Variants in FZD6 observed in about 807,000 individuals in gnomAD.
FZD6 encodes frizzled class receptor 6, also known as frizzled-6.
Under a neutral mutation model 61.4 loss-of-function variants are expected in FZD6, and 49 were observed. The ratio of observed to expected loss-of-function variants is 0.80; its 90% confidence interval spans 0.63 to 1.01. The LOEUF (loss-of-function observed/expected upper bound fraction) is 1.01, where lower values mean the gene tolerates loss of function less well. Ranked by LOEUF, FZD6 falls within the 50% of genes least tolerant of loss-of-function variation. FZD6 has a pLI of 0.00. For missense variants in FZD6, 724 were observed against 848.2 expected, an observed-to-expected ratio of 0.85 and a Z score of 1.82; for synonymous variants, 265 against 292.2, an observed-to-expected ratio of 0.91 and a Z score of 0.95.
At chr8:103,316,101 T>C (rs1452676813) in intron 2 of FZD6, among the ~76,000 whole-genome samples, 1 of 152,250 alleles carries the variant, frequency 6.6e-6, no homozygotes, top group Non-Finnish European at 1.5e-5. Flanking sequence ...ATAATATTAC[T>C]AGAAATATTA....
intron 2 of FZD6, among the ~76,000 whole-genome samples, chr8:103,309,279 T>C (rs1461139020): frequency 6.6e-6 from 1 of 152,210 alleles, no homozygotes; most frequent in Non-Finnish European, 1.5e-5. Flanking sequence ...AAAGATATGC[T>C]GCTGTCCCTA....
chr8:103,318,731 A>G lies in FZD6; in HGVS notation c.319A>G (p.Lys107Glu). 6.2e-7 allele frequency: 1 copy of G among 1,611,156 alleles called. No individual in the cohort carries two copies. The highest frequency in any genetic ancestry group is 8.5e-7 in the Non-Finnish European group (1 of 1,177,350). ...TTGTGAGAAAGTATATTCTGATTGC[A>G]AAAAATTAATTGACACTTTTGGGAT... ...KLCEKVYSDC[K>E]KLIDTFGIRW... The change falls in exon 3 of 7, where the codon AAA becomes GAA. Residue 107 changes from lysine (K) to glutamate (E), a missense_variant. Transcript: ENST00000358755.
intron 4 of FZD6, among the ~76,000 whole-genome samples, chr8:103,326,558 A>C (rs1411780072): frequency 6.6e-6 from 1 of 152,018 alleles, no homozygotes; most frequent in Non-Finnish European, 1.5e-5. Context: ...TATGTAAGAA[A>C]CTGTAAAATA....
At chr8:103,310,269 G>A (rs1479787656) in intron 2 of FZD6, among the ~76,000 whole-genome samples, 1 of 151,498 alleles carries the variant, frequency 6.6e-6, no homozygotes, top group East Asian at 1.9e-4. Context: ...CCTTTTGTGT[G>A]TGTGTTTCAT....
At chr8:103,304,989 CAA>C (rs1814290480) in intron 2 of FZD6, among the ~76,000 whole-genome samples, 1 of 152,134 alleles carries the variant, frequency 6.6e-6, no homozygotes, top group Non-Finnish European at 1.5e-5. Flanking sequence ...ATTTGTATTA[CAA>C]AGAGTTAATT....
At chr8:103,310,388 GC>G (rs1396921202) in intron 2 of FZD6, among the ~76,000 whole-genome samples, 11 of 152,146 alleles carry the variant, frequency 7.2e-5, no homozygotes, top group African/African-American at 2.4e-4. Flanking sequence ...TCAGGCCTCA[GC>G]CCCGGAAGCA....
chr8:103,329,041 AC>A (rs1554623466), intron 5 of FZD6, among the ~76,000 whole-genome samples: 13 of 139,296 alleles, frequency 9.3e-5, no homozygotes, highest in South Asian at 2.3e-4. Context: ...ATGCACACAC[AC>A]TATATACAAG....
At chr8:103,307,451 A>C (rs1334082916) in intron 2 of FZD6, among the ~76,000 whole-genome samples, 1 of 152,226 alleles carries the variant, frequency 6.6e-6, no homozygotes, top group Non-Finnish European at 1.5e-5. Context: ...ATGCACAAAC[A>C]GACCTATATG....
At position 103,325,227 on chromosome 8, in the gene FZD6, C is replaced by T; in HGVS notation, c.1121C>T (p.Pro374Leu). 1 of 1,614,178 alleles carries T rather than the reference C, an allele frequency of 6.2e-7. No homozygotes were observed. The highest frequency in any genetic ancestry group is 8.5e-7 in the Non-Finnish European group (1 of 1,180,024). ...LDASRYFVLL[P>L]LCLCVFVGLS... ...GCTTCTCGCTACTTTGTACTCTTGC[C>T]ACTGTGCCTTTGTGTGTTTGTTGGG... Residue 374 changes from proline (P) to leucine (L), a missense_variant, in exon 4 of 7, where the codon CCA (proline) becomes CTA (leucine). By Grantham distance (98) the Pro-to-Leu change is moderately conservative (BLOSUM62 -3). Coordinates refer to ENST00000358755, the MANE Select transcript of FZD6 (RefSeq NM_003506.4).
chr8:103,298,940 G>A lies in FZD6; in HGVS notation c.-208G>A, dbSNP rs527982295. On this transcript the variant is annotated 5_prime_UTR_variant, in exon 1 of 7. Transcript: ENST00000358755. ...CGGAGCCGTCTCAGGTCCCTGGGGG[G>A]AACGGTGGGTTAGACGGGGACGGGA... The A allele has an allele frequency of 4.5e-3, 695 of 153,306 alleles. 4 individuals are homozygous for A. The highest frequency in any genetic ancestry group is 6.6e-3 in the Non-Finnish European group (450 of 68,500). 9.5% of individuals were successfully genotyped at this position (153,306 alleles called of 1,614,324 possible).
chr8:103,325,565 A>T lies in FZD6; in HGVS notation c.1392+67A>T, dbSNP rs531164438. On this transcript the variant is annotated intron_variant, in intron 4 of 6. Transcript: ENST00000358755. Reference sequence around the variant, plus strand: ...TGTAGAAAATGTTTCATGGAAATATACTTGTCATGGATGTAAAAGTTGATT... The same window carrying T: ...TGTAGAAAATGTTTCATGGAAATATTCTTGTCATGGATGTAAAAGTTGATT... The T allele has an allele frequency of 2.7e-4, 346 of 1,280,970 alleles. 1 individual carries two copies. Among genetic ancestry groups the T allele is most frequent in the Non-Finnish European group, 3.6e-4 (318 of 880,260 alleles). 79.4% of individuals were successfully genotyped at this position (1,280,970 alleles called of 1,614,324 possible).
chr8:103,305,084 G>C (rs910136886), intron 2 of FZD6, among the ~76,000 whole-genome samples: 2 of 152,174 alleles, frequency 1.3e-5, no homozygotes, highest in Non-Finnish European at 2.9e-5. Context: ...AATGGCTACT[G>C]GTTTTCCATT....
intron 3 of FZD6, 119 bp from the exon 4 acceptor site, chr8:103,324,362 A>T (rs1158628623): frequency 1.6e-6 from 1 of 629,494 alleles, no homozygotes; most frequent in Non-Finnish European, 2.7e-6. Context: ...TTAGATTTGT[A>T]TCTCTTCCCA....
At position 103,325,397 on chromosome 8, in the gene FZD6, C is replaced by T. The variant is rs1182066631; in HGVS notation, c.1291C>T (p.Leu431Phe). The change falls in exon 4 of 7, where the codon CTT (leucine) becomes TTT (phenylalanine). Residue 431 changes from leucine (L) to phenylalanine (F), a missense_variant. By Grantham distance (22) the Leu-to-Phe change is conservative. Transcript: ENST00000358755. The stretch of plus-strand genomic sequence containing the variant: ...CTTGTATCTTGTGCCATTAGTGACA[C>T]TTCTCGGATGTTACGTCTATGAGCA... ...SGLYLVPLVTLLGCYVYEQVN... is the reference protein window; with the variant it reads ...SGLYLVPLVTFLGCYVYEQVN... 6.2e-7 allele frequency: 1 copy of T among 1,613,398 alleles called. No individual in the cohort carries two copies. The highest frequency in any genetic ancestry group is 8.5e-7 in the Non-Finnish European group (1 of 1,179,458).
Position 103,318,756 on chromosome 8 carries a change from T to G in FZD6, c.344T>G (p.Ile115Ser), listed in dbSNP as rs747445291. The change falls in exon 3 of 7, where the codon ATC (isoleucine) becomes AGC (serine). Residue 115 changes from isoleucine to serine, a missense_variant. Ile to Ser is a moderately radical substitution (Grantham distance 142, BLOSUM62 -2). Transcript: ENST00000358755. Reference protein sequence around the residue: ...DCKKLIDTFGIRWPEELECDR... With the variant: ...DCKKLIDTFGSRWPEELECDR... The stretch of plus-strand genomic sequence containing the variant: ...AAAAAATTAATTGACACTTTTGGGA[T>G]CCGATGGCCTGAGGAGCTTGAATGT... 30 of 1,610,066 alleles carry G rather than the reference T, an allele frequency of 1.9e-5. No individual in the cohort carries two copies. In the East Asian group the frequency reaches 6.0e-4, roughly 32 times the overall value.
chr8:103,320,645 GGAGCTTGCA>G (rs1814760065), intron 3 of FZD6, among the ~76,000 whole-genome samples: 1 of 152,068 alleles, frequency 6.6e-6, no homozygotes, highest in African/African-American at 2.4e-5. Context: ...TGCAAGGATA[GGAGCTTGCA>G]GACGAAGGGC....
At chr8:103,326,835 A>G (rs1814966207) in intron 4 of FZD6, among the ~76,000 whole-genome samples, 1 of 152,112 alleles carries the variant, frequency 6.6e-6, no homozygotes, top group Non-Finnish European at 1.5e-5. Context: ...AAAACCATCC[A>G]TCTGATATAA....
intron 3 of FZD6, 132 bp downstream of exon 3, chr8:103,318,918 C>T (rs752926653): frequency 4.3e-6 from 3 of 705,376 alleles, no homozygotes; most frequent in East Asian, 2.7e-5. Flanking sequence ...ATGTCAGGCA[C>T]TATGGTGCTA....
At chr8:103,306,229 A>G (rs192635195) in intron 2 of FZD6, among the ~76,000 whole-genome samples, 1 of 152,308 alleles carries the variant, frequency 6.6e-6, no homozygotes, top group African/African-American at 2.4e-5. Context: ...GAAATAATGT[A>G]AATTCCTGCT....
Sources: allele counts gnomAD v4.1 joint callset (sites outside exome capture counted in the v4.1 genomes callset), GRCh38; gene constraint gnomAD v4.1.1; transcripts MANE v1.5; gene names NCBI Gene and HGNC (gene_info 2026-07-23, HGNC 2026-07-21).